PIEZO2: variants seen among roughly 807,000 people sequenced by gnomAD.
PIEZO2 encodes piezo type mechanosensitive ion channel component 2, also known as piezo-type mechanosensitive ion channel component 2.
In PIEZO2, 172 loss-of-function variants were observed where a neutral mutation model predicts 337.3. The ratio of observed to expected loss-of-function variants is 0.51; its 90% CI spans 0.45 to 0.58. PIEZO2 has a LOEUF of 0.58. PIEZO2 is among the 20% of genes least tolerant of loss of function. The probability of loss-of-function intolerance (pLI) is 0.00; values close to 1 mark genes in which losing one functional copy is unlikely to be tolerated. For synonymous variants in PIEZO2, 1,251 were observed against 1,228.5 expected, an observed-to-expected ratio of 1.02 and a Z score of -0.38; for missense variants, 3,028 against 3,391.3, an observed-to-expected ratio of 0.89 and a Z score of 2.66.
At chr18:10,871,018 C>A (rs1457343389) in intron 5 of PIEZO2, among the ~76,000 whole-genome samples, 1 of 151,796 alleles carries the variant, frequency 6.6e-6, no homozygotes, top group Admixed American at 6.6e-5. Context: ...CAAAGCCTGG[C>A]CCTTACCTAT....
chr18:10,878,963 A>T lies in PIEZO2; in HGVS notation c.330-7548T>A, dbSNP rs930614033. Among the ~76,000 whole-genome samples the T allele has an allele frequency of 6.6e-6, 1 of 152,184 alleles. No individual in the cohort carries two copies. Among genetic ancestry groups the T allele is most frequent in the Non-Finnish European group, 1.5e-5 (1 of 68,028 alleles). On this transcript the variant is annotated intron_variant, in intron 4 of 55. Transcript: ENST00000674853. The surrounding 1 kb of genome is among the most constrained non-coding windows in gnomAD (Gnocchi z 4.3). ...CTTTCAGGTGCAGAGGTGAGACTTT[A>T]AACTGAAAGCCACATGGAGTTTGTG...
At chr18:10,808,686 G>A (rs2040076698) in intron 7 of PIEZO2, among the ~76,000 whole-genome samples, 1 of 152,086 alleles carries the variant, frequency 6.6e-6, no homozygotes, top group African/African-American at 2.4e-5. Flanking sequence ...TTTGGAGTTA[G>A]CATTTTAAAT....
intron 2 of PIEZO2, among the ~76,000 whole-genome samples, chr18:11,045,097 C>T (rs1177700987): frequency 6.6e-6 from 1 of 151,674 alleles, no homozygotes; most frequent in African/African-American, 2.4e-5. Context: ...AGATTGAGAC[C>T]ATCCTGGCTA....
chr18:10,959,410 T>C (rs539824775), intron 3 of PIEZO2, among the ~76,000 whole-genome samples: 1 of 152,212 alleles, frequency 6.6e-6, no homozygotes, highest in Non-Finnish European at 1.5e-5. Context: ...ATTATTTGAA[T>C]GGAGAGAAAT....
Position 10,671,416 on chromosome 18 carries a change from A to G in PIEZO2, c.*111T>C. The G allele has an allele frequency of 8.2e-7, 1 of 1,219,274 alleles. No individual in the cohort carries two copies. Among genetic ancestry groups the G allele is most frequent in the Non-Finnish European group, 1.1e-6 (1 of 898,592 alleles). The allele number at this position is 1,219,274 out of a possible 1,614,324, so 75.5% of individuals were successfully genotyped here. A position where few individuals can be genotyped will look rare whatever the true frequency, so the allele number is the denominator to read the frequency against. ...CAGCTCCTTTTGTCTACCTATCAGA[A>G]GAGAAACAAACCATTTCCGTCGAAC... On this transcript the variant is annotated 3_prime_UTR_variant, in exon 56 of 56. Transcript: ENST00000674853.
Position 10,759,403 on chromosome 18 carries a change from C to T in PIEZO2, c.3757+79G>A. 2.4e-6 allele frequency: 3 copies of T among 1,226,784 alleles called. No homozygotes were observed. Among genetic ancestry groups the T allele is most frequent in the Non-Finnish European group, 2.3e-6 (2 of 869,914 alleles). The allele number at this position is 1,226,784 out of a possible 1,614,324, so 76.0% of individuals were successfully genotyped here. A position where few individuals can be genotyped will look rare whatever the true frequency, so the allele number is the denominator to read the frequency against. ...GAAGTCTAGTGGAAGACAAAAGGCA[C>T]TAATGCATAGCACGTGAACAATGAT... is the stretch of plus-strand genomic sequence containing the variant. On this transcript the variant is annotated intron_variant, in intron 26 of 55. Coordinates refer to ENST00000674853, the MANE Select transcript of PIEZO2 (RefSeq NM_001378183.1). This position sits in a 1 kb window ranked among gnomAD's most constrained non-coding sequence, Gnocchi z 5.5.
intron 2 of PIEZO2, among the ~76,000 whole-genome samples, chr18:11,040,340 T>A: frequency 6.6e-6 from 1 of 152,334 alleles, no homozygotes; most frequent in East Asian, 1.9e-4. Context: ...CATTATTTTA[T>A]TTATTTTTCT....
chr18:10,768,133 A>C (rs546262358), intron 21 of PIEZO2, among the ~76,000 whole-genome samples: 110 of 152,296 alleles, frequency 7.2e-4, no homozygotes, highest in African/African-American at 2.5e-3. Context: ...GTGAGAAAGA[A>C]AGGATCAGAT....
At chr18:11,008,255 A>G (rs2035787075) in intron 2 of PIEZO2, among the ~76,000 whole-genome samples, 1 of 152,198 alleles carries the variant, frequency 6.6e-6, no homozygotes, top group Non-Finnish European at 1.5e-5. Context: ...TTCATGTTCC[A>G]GCCACAGCAG....
chr18:11,074,266 C>A (rs1405652430), intron 1 of PIEZO2, among the ~76,000 whole-genome samples: 4 of 152,110 alleles, frequency 2.6e-5, no homozygotes, highest in Non-Finnish European at 5.9e-5. Flanking sequence ...TCCCCTGATA[C>A]CCCACCTTTC....
At chr18:11,098,233 C>G (rs78389362) in intron 1 of PIEZO2, among the ~76,000 whole-genome samples, 1 of 150,244 alleles carries the variant, frequency 6.7e-6, no homozygotes, top group South Asian at 2.1e-4. Context: ...TTGGAAAATT[C>G]AGAAGCAAGA....
rs897931807 is a variant in PIEZO2, at chr18:11,027,410, G to T, written c.160+38717C>A. On this transcript the variant is annotated intron_variant, in intron 2 of 55. Coordinates refer to ENST00000674853, the MANE Select transcript of PIEZO2 (RefSeq NM_001378183.1). The surrounding 1 kb of genome is among the most constrained non-coding windows in gnomAD (Gnocchi z 4.2). ...GAGCAAAGGGGGCACGCTGAGGTGC[G>T]CTAGGAATAAGGTACAAGAGGTTAA... Among the ~76,000 whole-genome samples the T allele has an allele frequency of 1.3e-5, 2 of 152,186 alleles. No individual in the cohort carries two copies. The highest frequency in any genetic ancestry group is 4.8e-5 in the African/African-American group (2 of 41,442).
At chr18:10,720,415 G>A (rs954442353) in intron 36 of PIEZO2, among the ~76,000 whole-genome samples, 19 of 39,884 alleles carry the variant, frequency 4.8e-4, no homozygotes, top group Non-Finnish European at 7.7e-4. Context: ...ATGTGTATGT[G>A]TATGTATATA....
At position 10,945,877 on chromosome 18, in the gene PIEZO2, A is replaced by C. The variant is rs2032993877; in HGVS notation, c.286+33658T>G. ...AACTATAATGCCTGAAATTGAAAACACACTGAATGGGGATTAAAAGCAGAT... is the reference window on the plus strand; with the variant it reads ...AACTATAATGCCTGAAATTGAAAACCCACTGAATGGGGATTAAAAGCAGAT... On this transcript the variant is annotated intron_variant, in intron 3 of 55. Transcript: ENST00000674853. The surrounding 1 kb of genome is among the most constrained non-coding windows in gnomAD (Gnocchi z 4.0). Among the ~76,000 whole-genome samples the C allele has an allele frequency of 6.6e-6, 1 of 152,224 alleles. No individual in the cohort carries two copies. Among genetic ancestry groups the C allele is most frequent in the South Asian group, 2.1e-4 (1 of 4,836 alleles).
chr18:11,009,378 T>A lies in PIEZO2; in HGVS notation c.161-29718A>T, dbSNP rs575358124. On this transcript the variant is annotated intron_variant, in intron 2 of 55. Transcript: ENST00000674853. The surrounding 1 kb of genome is among the most constrained non-coding windows in gnomAD (Gnocchi z 4.6). ...TCATTTTTCTGGGGTGGGGGCGAGA[T>A]CATGGGTACACTGTAAAAGCTCCCT... 6.6e-6 allele frequency among the ~76,000 whole-genome samples: 1 copy of A among 152,216 alleles called. No individual in the cohort carries two copies. Among genetic ancestry groups the A allele is most frequent in the African/African-American group, 2.4e-5 (1 of 41,540 alleles).
chr18:11,062,594 G>A (rs561505306), intron 2 of PIEZO2, among the ~76,000 whole-genome samples: 1 of 152,306 alleles, frequency 6.6e-6, no homozygotes, highest in African/African-American at 2.4e-5. Context: ...CAAAAAGTGG[G>A]TGAAGGATAT....
chr18:10,751,344 G>C (rs1480391245), intron 28 of PIEZO2, among the ~76,000 whole-genome samples: 1 of 152,168 alleles, frequency 6.6e-6, no homozygotes, highest in Non-Finnish European at 1.5e-5. Flanking sequence ...ATCAGCCTCT[G>C]GCAACAGATT....
chr18:10,865,586 G>A (rs1314872574), intron 5 of PIEZO2, among the ~76,000 whole-genome samples: 1 of 152,178 alleles, frequency 6.6e-6, no homozygotes, highest in East Asian at 1.9e-4. Flanking sequence ...TATTAACCTT[G>A]ATGGGTAAGT....
At position 11,039,638 on chromosome 18, in the gene PIEZO2, A is replaced by G. The variant is rs1399876293; in HGVS notation, c.160+26489T>C. Among the ~76,000 whole-genome samples the G allele has an allele frequency of 3.9e-5, 6 of 152,098 alleles. No individual in the cohort carries two copies. The East Asian group carries it at 1.2e-3, about 29-fold the overall frequency. On this transcript the variant is annotated intron_variant, in intron 2 of 55. Coordinates refer to ENST00000674853, the MANE Select transcript of PIEZO2 (RefSeq NM_001378183.1). ...TTAAGAAGTGAGGTTATATAGGTCA[A>G]TGGGATGACATATATTATCCTATAT... is the stretch of plus-strand genomic sequence containing the variant.
Sources: gnomAD v4.1 joint callset for allele counts (sites outside exome capture counted in the v4.1 genomes callset) on GRCh38, gnomAD v4.1.1 for gene constraint, Gnocchi (gnomAD v3.1) non-coding constraint, MANE v1.5 for transcripts, NCBI Gene and HGNC (gene_info 2026-07-23, HGNC 2026-07-21) for gene names.